Variants in TMEM132C observed in about 807,000 individuals in gnomAD.
The protein encoded by TMEM132C is protein phosphatase 1, regulatory subunit 152.
Under a neutral mutation model 61.4 loss-of-function variants are expected in TMEM132C, and 29 were observed. The ratio of observed to expected loss-of-function variants is 0.47; its 90% CI spans 0.35 to 0.64. The LOEUF is 0.64. Among genes scored for constraint, TMEM132C ranks in the 30% least tolerant of loss-of-function variants. The pLI is 0.00. For missense variants in TMEM132C, 1,408 were observed against 1,476.9 expected (o/e 0.95, Z 0.76); for synonymous variants, 656 against 633.1 (o/e 1.04, Z -0.54).
intron 2 of TMEM132C, among the ~76,000 whole-genome samples, chr12:128,468,257 C>G (rs1203684518): frequency 6.6e-6 from 1 of 151,830 alleles, no homozygotes; most frequent in Non-Finnish European, 1.5e-5. Context: ...GCAGGGAGGG[C>G]AGGGGGCTTA....
At chr12:128,324,631 G>A (rs1872445738) in intron 1 of TMEM132C, among the ~76,000 whole-genome samples, 2 of 152,102 alleles carry the variant, frequency 1.3e-5, no homozygotes, top group Non-Finnish European at 2.9e-5. Context: ...AGGCCGAGGC[G>A]GGACGATCAC....
At chr12:128,508,863 C>G (rs1872473925) in intron 2 of TMEM132C, among the ~76,000 whole-genome samples, 1 of 152,220 alleles carries the variant, frequency 6.6e-6, no homozygotes, top group South Asian at 2.1e-4. Flanking sequence ...CATATCATGT[C>G]ATGTCATGTC....
chr12:128,386,295 C>T (rs185168121), intron 1 of TMEM132C, among the ~76,000 whole-genome samples: 21 of 152,304 alleles, frequency 1.4e-4, no homozygotes, highest in East Asian at 3.9e-4. Flanking sequence ...TTCTCTCTTT[C>T]GCCAACATTT....
At chr12:128,344,281 C>T (rs1173768083) in intron 1 of TMEM132C, among the ~76,000 whole-genome samples, 1 of 152,166 alleles carries the variant, frequency 6.6e-6, no homozygotes, top group Non-Finnish European at 1.5e-5. Flanking sequence ...CCTCAGCCTC[C>T]AGAGTAGCTG....
At chr12:128,697,156 A>G (rs902059) in intron 7 of TMEM132C, 68 bp from the exon 8 acceptor site, 1,355,387 of 1,363,488 alleles carry the variant, frequency 0.99, 674,019 homozygotes, top group East Asian at 1. Context: ...AAGAAATATT[A>G]CTGGTAAAGG....
intron 3 of TMEM132C, among the ~76,000 whole-genome samples, chr12:128,608,025 T>A (rs918473308): frequency 6.6e-6 from 1 of 152,154 alleles, no homozygotes; most frequent in African/African-American, 2.4e-5. Context: ...TCTGGAAAGA[T>A]CACTTAGATC....
chr12:128,411,869 T>A (rs1868562023), intron 1 of TMEM132C, among the ~76,000 whole-genome samples: 1 of 152,216 alleles, frequency 6.6e-6, no homozygotes, highest in Admixed American at 6.5e-5. Context: ...CAGGTTTCAT[T>A]TTGCCCATGT....
At position 128,415,914 on chromosome 12, in the gene TMEM132C, G is replaced by A. The variant is rs552644196; in HGVS notation, c.974+294G>A. 7.2e-5 allele frequency among the ~76,000 whole-genome samples: 11 copies of A among 152,072 alleles called. No individual in the cohort carries two copies. Among genetic ancestry groups the A allele is most frequent in the Non-Finnish European group, 4.4e-5 (3 of 68,022 alleles). On this transcript the variant is annotated intron_variant, in intron 2 of 8. Transcript: ENST00000435159. This position sits in a 1 kb window ranked among gnomAD's most constrained non-coding sequence, Gnocchi z 5.8. The stretch of plus-strand genomic sequence containing the variant: ...TTCAGTTATCCTCACACTTGGAGAG[G>A]GATGTGATTTTTCTTCTGCTGTGAA...
At chr12:128,382,069 T>C (rs1270343886) in intron 1 of TMEM132C, among the ~76,000 whole-genome samples, 1 of 150,756 alleles carries the variant, frequency 6.6e-6, no homozygotes, top group Non-Finnish European at 1.5e-5. Flanking sequence ...ACACAAATAA[T>C]ACATTCATAC....
At chr12:128,540,923 G>A (rs1008948184) in intron 2 of TMEM132C, among the ~76,000 whole-genome samples, 6 of 132,368 alleles carry the variant, frequency 4.5e-5, no homozygotes, top group Non-Finnish European at 7.4e-5. Flanking sequence ...TACTCTGTCT[G>A]TCTGTTTCTC....
At chr12:128,309,763 C>A (rs971086523) in intron 1 of TMEM132C, among the ~76,000 whole-genome samples, 1 of 149,656 alleles carries the variant, frequency 6.7e-6, no homozygotes, top group Non-Finnish European at 1.5e-5. Flanking sequence ...GATGGAGTCT[C>A]GCTGCGTCAC....
intron 1 of TMEM132C, among the ~76,000 whole-genome samples, chr12:128,361,812 A>T (rs1873716363): frequency 6.6e-6 from 1 of 152,134 alleles, no homozygotes; most frequent in Admixed American, 6.5e-5. Context: ...CCCGTTGATA[A>T]GCTTTTTCTT....
intron 3 of TMEM132C, among the ~76,000 whole-genome samples, chr12:128,550,793 A>T (rs1309497873): frequency 6.6e-6 from 1 of 152,198 alleles, no homozygotes; most frequent in Non-Finnish European, 1.5e-5. Context: ...TGTCATCCTG[A>T]ACCTGCTTCC....
intron 2 of TMEM132C, among the ~76,000 whole-genome samples, chr12:128,426,389 C>T (rs1444428591): frequency 1.3e-5 from 2 of 152,182 alleles, no homozygotes; most frequent in Non-Finnish European, 2.9e-5. Context: ...AATAAATCTG[C>T]AGGATCGAGT....
intron 1 of TMEM132C, among the ~76,000 whole-genome samples, chr12:128,286,714 C>T (rs538222040): frequency 4.0e-5 from 6 of 151,390 alleles, no homozygotes; most frequent in Admixed American, 1.3e-4. Flanking sequence ...TTTGGGCACA[C>T]AGTCACCTGA....
intron 5 of TMEM132C, among the ~76,000 whole-genome samples, chr12:128,692,188 A>G (rs1954725469): frequency 6.6e-6 from 1 of 152,118 alleles, no homozygotes; most frequent in Admixed American, 6.5e-5. Context: ...TCACCTGTCC[A>G]TCCATCCATC....
At chr12:128,536,636 C>A (rs557812949) in intron 2 of TMEM132C, among the ~76,000 whole-genome samples, 1 of 152,108 alleles carries the variant, frequency 6.6e-6, no homozygotes, top group African/African-American at 2.4e-5. Flanking sequence ...ACCTTCCACC[C>A]GCAGTGTTCC....
intron 5 of TMEM132C, among the ~76,000 whole-genome samples, chr12:128,676,831 C>G (rs549592131): frequency 6.6e-6 from 1 of 152,210 alleles, no homozygotes; most frequent in Admixed American, 6.5e-5. Context: ...CCTTGGAGCA[C>G]TTGGAACATG....
At chr12:128,427,390 GTGT>G (rs1869226615) in intron 2 of TMEM132C, among the ~76,000 whole-genome samples, 3 of 49,194 alleles carry the variant, frequency 6.1e-5, no homozygotes, top group African/African-American at 1.9e-4. Flanking sequence ...CCAAAGGGGT[GTGT>G]GTGTGTGTGT....
Sources: gnomAD v4.1 joint callset for allele counts (sites outside exome capture counted in the v4.1 genomes callset) on GRCh38, gnomAD v4.1.1 for gene constraint, Gnocchi (gnomAD v3.1) non-coding constraint, MANE v1.5 for transcripts, NCBI Gene and HGNC (gene_info 2026-07-23, HGNC 2026-07-21) for gene names.